Variants in VAV2 observed in about 807,000 individuals in gnomAD.
The protein encoded by VAV2 is vav guanine nucleotide exchange factor 2, also known as guanine nucleotide exchange factor VAV2.
VAV2 carries 67 observed loss-of-function variants against 132.5 expected under a neutral mutation model. The observed-to-expected ratio is 0.51, with a 90% CI of 0.42 to 0.62. The LOEUF (loss-of-function observed/expected upper bound fraction) is 0.62, where lower values mean the gene tolerates loss of function less well. Ranked by LOEUF, VAV2 falls within the 20% of genes least tolerant of loss-of-function variation. The probability of loss-of-function intolerance (pLI) is 0.00; values close to 1 mark genes in which losing one functional copy is unlikely to be tolerated. For synonymous variants in VAV2, 492 were observed against 443.5 expected (o/e 1.11, Z -1.37); for missense variants, 938 against 1,153.6 (o/e 0.81, Z 2.71).
chr9:133,786,066 C>A, intron 16 of VAV2, 181 bp from the exon 17 acceptor site: 1 of 651,800 alleles, frequency 1.5e-6, no homozygotes. Context: ...CCATGCTGTA[C>A]GTGCACACGT....
chr9:133,931,167 C>T (rs985158453), intron 2 of VAV2, among the ~76,000 whole-genome samples: 2 of 152,186 alleles, frequency 1.3e-5, no homozygotes, highest in African/African-American at 2.4e-5. Context: ...AACCTGTCCC[C>T]GCACAGGGCA....
At chr9:133,793,642 T>A (rs1343043503) in intron 12 of VAV2, among the ~76,000 whole-genome samples, 1 of 152,016 alleles carries the variant, frequency 6.6e-6, no homozygotes, top group African/African-American at 2.4e-5. Context: ...TGGCATGAAA[T>A]AGGAACAGAT....
chr9:133,976,173 T>G (rs1318849262), intron 1 of VAV2, among the ~76,000 whole-genome samples: 1 of 151,800 alleles, frequency 6.6e-6, no homozygotes, highest in Non-Finnish European at 1.5e-5. Context: ...ACCACTGCAC[T>G]CCAGACTGGG....
intron 1 of VAV2, among the ~76,000 whole-genome samples, chr9:133,972,319 T>G (rs1842362908): frequency 6.6e-6 from 1 of 152,164 alleles, no homozygotes; most frequent in Non-Finnish European, 1.5e-5. Context: ...TGGGCACCCG[T>G]CCGTCCGACC....
chr9:133,916,015 A>C (rs1231804048), intron 2 of VAV2, among the ~76,000 whole-genome samples: 1 of 151,536 alleles, frequency 6.6e-6, no homozygotes, highest in African/African-American at 2.4e-5. Context: ...GCACACATGC[A>C]CGGAATGCAC....
In VAV2 at chr9:133,991,217, G is replaced by A. The variant is rs1352561265; in HGVS notation, c.204+858C>T. On this transcript the variant is annotated intron_variant, in intron 1 of 29. Transcript: ENST00000371850. This position sits in a 1 kb window ranked among gnomAD's most constrained non-coding sequence, Gnocchi z 4.8. Reference sequence around the variant, plus strand: ...CCCCGACCTCTTCTAAGCTGCTCCCGGTAAGGATTCCGCGACCCCCGGAGA... The same window carrying A: ...CCCCGACCTCTTCTAAGCTGCTCCCAGTAAGGATTCCGCGACCCCCGGAGA... Among the ~76,000 whole-genome samples the A allele has an allele frequency of 6.6e-6, 1 of 151,930 alleles. No individual in the cohort carries two copies. Among genetic ancestry groups the A allele is most frequent in the Non-Finnish European group, 1.5e-5 (1 of 67,972 alleles).
chr9:133,785,725 C>T, intron 17 of VAV2, 51 bp downstream of exon 17: 1 of 1,563,518 alleles, frequency 6.4e-7, no homozygotes, highest in Non-Finnish European at 8.8e-7. Context: ...GCTTCCACCC[C>T]CCATACAACT....
At chr9:133,870,065 G>T (rs1837967281) in intron 2 of VAV2, among the ~76,000 whole-genome samples, 1 of 152,000 alleles carries the variant, frequency 6.6e-6, no homozygotes, top group Non-Finnish European at 1.5e-5. Context: ...CTTGCCTTCA[G>T]AATGACAAGC....
In VAV2 at chr9:133,956,991, A is replaced by G. The variant is rs542583150; in HGVS notation, c.205-17772T>C. On this transcript the variant is annotated intron_variant, in intron 1 of 29. Transcript: ENST00000371850. ...TGCAGTCACAAAAAGGGCAGACTGC[A>G]GCACCCACCCACCTGCCCAGCTCCC... is the stretch of plus-strand genomic sequence containing the variant. 1.0e-3 allele frequency among the ~76,000 whole-genome samples: 154 copies of G among 152,304 alleles called. 1 individual carries two copies. The South Asian group carries it at 0.027, about 27-fold the overall frequency.
At chr9:133,984,666 C>T (rs1842795187) in intron 1 of VAV2, among the ~76,000 whole-genome samples, 1 of 139,574 alleles carries the variant, frequency 7.2e-6, no homozygotes, top group South Asian at 2.2e-4. Flanking sequence ...TTGATTTTTG[C>T]CCCCTCAAGA....
intron 29 of VAV2, among the ~76,000 whole-genome samples, chr9:133,766,793 A>G (rs1305902998): frequency 1.1e-5 from 1 of 93,142 alleles, no homozygotes; most frequent in Non-Finnish European, 2.3e-5. Context: ...TATATCCCAA[A>G]AACAAAAAAA....
At chr9:133,767,551 G>A (rs1159787864) in intron 29 of VAV2, among the ~76,000 whole-genome samples, 1 of 152,196 alleles carries the variant, frequency 6.6e-6, no homozygotes, top group East Asian at 1.9e-4. Flanking sequence ...GGACCACTTT[G>A]AGAACCAGTG....
At chr9:133,810,272 G>A (rs1476993927) in intron 5 of VAV2, 67 bp from the exon 6 acceptor site, 2 of 1,607,676 alleles carry the variant, frequency 1.2e-6, no homozygotes, top group African/African-American at 2.7e-5. Flanking sequence ...CTGGCAAGCT[G>A]GGCCTGGGAC....
intron 2 of VAV2, among the ~76,000 whole-genome samples, chr9:133,878,513 C>T (rs1257255522): frequency 1.3e-5 from 2 of 152,196 alleles, no homozygotes; most frequent in Non-Finnish European, 2.9e-5. Context: ...AGGGAGACAA[C>T]ACACTGCCCA....
intron 2 of VAV2, among the ~76,000 whole-genome samples, chr9:133,927,069 T>TC (rs1302513370): frequency 4.6e-5 from 7 of 151,206 alleles, no homozygotes; most frequent in Non-Finnish European, 7.4e-5. Context: ...TCAGGCTGAG[T>TC]CCCCCCCTAC....
At chr9:133,987,649 A>C (rs538663231) in intron 1 of VAV2, among the ~76,000 whole-genome samples, 1 of 152,128 alleles carries the variant, frequency 6.6e-6, no homozygotes, top group African/African-American at 2.4e-5. Context: ...TACGAGGAGG[A>C]GGCCACCAGG....
intron 1 of VAV2, among the ~76,000 whole-genome samples, chr9:133,967,958 C>CG (rs1452273149): frequency 9.2e-6 from 1 of 108,326 alleles, no homozygotes; most frequent in Admixed American, 9.0e-5. Flanking sequence ...AAAAAAAAAA[C>CG]CTAAATATCA....
intron 4 of VAV2, among the ~76,000 whole-genome samples, chr9:133,817,455 C>T (rs1309912213): frequency 6.6e-6 from 1 of 151,900 alleles, no homozygotes; most frequent in Non-Finnish European, 1.5e-5. Context: ...GAGTTCGAGG[C>T]CAGCCTGGCC....
intron 26 of VAV2, 62 bp downstream of exon 26, chr9:133,771,897 G>A (rs1452645538): frequency 1.8e-5 from 26 of 1,469,876 alleles, no homozygotes; most frequent in Admixed American, 3.4e-5. Flanking sequence ...GCTCAGGGCC[G>A]GGAGGAAGCA....
Sources: gnomAD v4.1 joint callset for allele counts (sites outside exome capture counted in the v4.1 genomes callset) on GRCh38, gnomAD v4.1.1 for gene constraint, Gnocchi (gnomAD v3.1) non-coding constraint, MANE v1.5 for transcripts, NCBI Gene and HGNC (gene_info 2026-07-23, HGNC 2026-07-21) for gene names.